Variants in C16orf78 observed in about 807,000 individuals in gnomAD.
The protein encoded by C16orf78 is uncharacterized protein C16orf78.
C16orf78 carries 19 observed loss-of-function variants against 27.3 expected under a neutral mutation model. The observed-to-expected ratio is 0.70, with a 90% CI of 0.49 to 1.02. C16orf78 has a LOEUF of 1.02. Ranked by LOEUF, C16orf78 falls within the 50% of genes least tolerant of loss-of-function variation. The probability of loss-of-function intolerance (pLI) is 0.00; values close to 1 mark genes in which losing one functional copy is unlikely to be tolerated. For missense variants in C16orf78, 339 were observed against 337.0 expected (o/e 1.01, Z -0.05); for synonymous variants, 130 against 116.1 (o/e 1.12, Z -0.77).
At chr16:49,379,797 A>G (rs919198110) in intron 3 of C16orf78, among the ~76,000 whole-genome samples, 1 of 152,238 alleles carries the variant, frequency 6.6e-6, no homozygotes, top group Non-Finnish European at 1.5e-5. Context: ...CTGTAAATCC[A>G]TATGTGATGG....
At chr16:49,383,513 C>A (rs1194191922) in intron 3 of C16orf78, among the ~76,000 whole-genome samples, 1 of 152,252 alleles carries the variant, frequency 6.6e-6, no homozygotes, top group Non-Finnish European at 1.5e-5. Context: ...ACTCTCCCTT[C>A]ATGACCAGTT....
At chr16:49,390,748 T>C (rs1039925255) in intron 3 of C16orf78, among the ~76,000 whole-genome samples, 1 of 152,226 alleles carries the variant, frequency 6.6e-6, no homozygotes, top group African/African-American at 2.4e-5. Flanking sequence ...ACTTTGCAGT[T>C]CTTGGTGCAG....
intron 3 of C16orf78, among the ~76,000 whole-genome samples, chr16:49,391,156 A>G (rs1396391473): frequency 3.9e-5 from 6 of 152,212 alleles, no homozygotes; most frequent in Non-Finnish European, 8.8e-5. Flanking sequence ...TATGAAGGAA[A>G]TTACCAAATT....
At chr16:49,387,612 T>C (rs1035599256) in intron 3 of C16orf78, among the ~76,000 whole-genome samples, 1 of 152,196 alleles carries the variant, frequency 6.6e-6, no homozygotes, top group Non-Finnish European at 1.5e-5. Context: ...ATAGTTTTAG[T>C]AGGAATGGTA....
intron 3 of C16orf78, among the ~76,000 whole-genome samples, chr16:49,391,660 C>T (rs1237006740): frequency 2.0e-5 from 3 of 152,210 alleles, no homozygotes; most frequent in Non-Finnish European, 2.9e-5. Context: ...AGTGCCCCCA[C>T]TGCCAGAAAG....
chr16:49,387,235 G>T (rs1192391438), intron 3 of C16orf78, among the ~76,000 whole-genome samples: 1 of 152,024 alleles, frequency 6.6e-6, no homozygotes. Flanking sequence ...CTTGTTGGCT[G>T]CATGTATGTA....
At chr16:49,393,929 T>C (rs1057338275) in intron 3 of C16orf78, among the ~76,000 whole-genome samples, 23 of 152,058 alleles carry the variant, frequency 1.5e-4, no homozygotes, top group Non-Finnish European at 2.9e-4. Context: ...AGAATTGTAA[T>C]AGAATACTAT....
chr16:49,390,007 T>C (rs895579293), intron 3 of C16orf78, among the ~76,000 whole-genome samples: 1 of 152,228 alleles, frequency 6.6e-6, no homozygotes, highest in African/African-American at 2.4e-5. Flanking sequence ...CTTTTGTTTC[T>C]GAGAGACAGT....
chr16:49,382,418 A>AAAATAAATAAAT (rs529800222), intron 3 of C16orf78, among the ~76,000 whole-genome samples: 27 of 151,532 alleles, frequency 1.8e-4, no homozygotes, highest in East Asian at 1.4e-3. Context: ...GTATAATAAT[A>AAAATAAATAAAT]AAATAAATAA....
At chr16:49,386,027 T>C (rs142334536) in intron 3 of C16orf78, among the ~76,000 whole-genome samples, 13 of 152,332 alleles carry the variant, frequency 8.5e-5, no homozygotes, top group African/African-American at 3.1e-4. Flanking sequence ...TTGGAAAAGA[T>C]ATTCCATGCA....
At chr16:49,392,910 G>T (rs1011349307) in intron 3 of C16orf78, among the ~76,000 whole-genome samples, 14 of 152,162 alleles carry the variant, frequency 9.2e-5, no homozygotes, top group Non-Finnish European at 1.9e-4. Context: ...ATTGAATCAT[G>T]GAGGCAGGTG....
At chr16:49,375,374 C>G (rs1965202365) in intron 1 of C16orf78, among the ~76,000 whole-genome samples, 1 of 151,984 alleles carries the variant, frequency 6.6e-6, no homozygotes, top group Admixed American at 6.6e-5. Context: ...CATGGCTGTA[C>G]AAGAAGCATA....
At position 49,377,802 on chromosome 16, in the gene C16orf78, C is replaced by T. The variant is rs373723110; in HGVS notation, c.222C>T (p.Leu74=). 38 of 1,592,196 alleles carry T rather than the reference C, an allele frequency of 2.4e-5. No individual in the cohort carries two copies. The African/African-American group carries it at 4.6e-4, about 19-fold the overall frequency. ...AGGAAGAGAAGAAAGGCAAAGGCCT[C>T]ATGACAGCACGGGGAGGGAACCGCA... The part of the protein sequence containing the change: ...KKKEEKKGKG[L]MTARGGNRRD... Residue 74 remains leucine, a synonymous_variant, in exon 2 of 5, where the codon CTC becomes CTT. Coordinates refer to ENST00000299191, the MANE Select transcript of C16orf78 (RefSeq NM_144602.4).
At chr16:49,398,868 G>A (rs1965506643) in intron 4 of C16orf78, among the ~76,000 whole-genome samples, 2 of 152,136 alleles carry the variant, frequency 1.3e-5, no homozygotes. Context: ...ACCTGAGTGG[G>A]GTTACTGAGT....
At chr16:49,396,786 G>C (rs56350095) in intron 4 of C16orf78, 108 bp downstream of exon 4, 234,325 of 1,396,414 alleles carry the variant, frequency 0.17, 21,167 homozygotes, top group Middle Eastern at 0.22. Flanking sequence ...TCTAGGAGTA[G>C]GGGCTTGGTG....
intron 3 of C16orf78, among the ~76,000 whole-genome samples, chr16:49,389,284 A>G (rs959894827): frequency 3.9e-5 from 6 of 152,182 alleles, no homozygotes; most frequent in African/African-American, 1.4e-4. Context: ...TTAGCCAGGC[A>G]TAGTGGCACA....
rs778837956 is a variant in C16orf78 at position 49,399,260 on chromosome 16, A to G, written c.780A>G (p.Ile260Met). 2 of 1,614,132 alleles carry G rather than the reference A, an allele frequency of 1.2e-6. No homozygotes were observed. Among genetic ancestry groups the G allele is most frequent in the Non-Finnish European group, 1.7e-6 (2 of 1,180,020 alleles). ...ATGCTAAAAAGGTGTTCACCGGAAT[A>G]CCCAGCATGGCCCTCTAAATAGCTC... ...DIDAKKVFTG[I>M]PSMAL The change falls in exon 5 of 5, where the codon ATA becomes ATG. Residue 260 changes from isoleucine to methionine, a missense_variant. Coordinates refer to ENST00000299191, the MANE Select transcript of C16orf78 (RefSeq NM_144602.4).
intron 2 of C16orf78, 58 bp from the exon 3 acceptor site, chr16:49,378,412 G>A (rs938955852): frequency 7.0e-5 from 107 of 1,535,054 alleles, no homozygotes; most frequent in Middle Eastern, 1.8e-4. Context: ...GGGATGGAGC[G>A]GGGAGGGCGA....
intron 4 of C16orf78, among the ~76,000 whole-genome samples, chr16:49,396,890 A>G (rs909681611): frequency 1.3e-5 from 2 of 152,202 alleles, no homozygotes; most frequent in African/African-American, 4.8e-5. Context: ...CATCCCCTGA[A>G]TGGGCATGTC....
Sources: allele counts gnomAD v4.1 joint callset (sites outside exome capture counted in the v4.1 genomes callset), GRCh38; gene constraint gnomAD v4.1.1; transcripts MANE v1.5; gene names NCBI Gene and HGNC (gene_info 2026-07-23, HGNC 2026-07-21).